CDH12: variants seen among roughly 807,000 people sequenced by gnomAD.
CDH12 encodes the protein cadherin-12.
In CDH12, 41 loss-of-function variants were observed where a neutral mutation model predicts 74.1. The ratio of observed to expected loss-of-function variants is 0.55; its 90% CI spans 0.43 to 0.72. The LOEUF is 0.72. Among genes scored for constraint, CDH12 ranks in the 30% least tolerant of loss-of-function variants. The pLI is 0.00. For missense variants in CDH12, 945 were observed against 977.2 expected, an observed-to-expected ratio of 0.97 and a Z score of 0.44; for synonymous variants, 399 against 355.0, an observed-to-expected ratio of 1.12 and a Z score of -1.39.
intron 2 of CDH12, among the ~76,000 whole-genome samples, chr5:22,504,283 T>G: frequency 6.6e-6 from 1 of 152,018 alleles, no homozygotes; most frequent in Non-Finnish European, 1.5e-5. Flanking sequence ...TCAAATCTGA[T>G]AGCTGAAATT....
intron 4 of CDH12, among the ~76,000 whole-genome samples, chr5:22,112,547 A>G (rs1744874320): frequency 6.6e-6 from 1 of 152,160 alleles, no homozygotes; most frequent in Admixed American, 6.6e-5. Flanking sequence ...TCCTCTTGCT[A>G]TAAGTATTTT....
At chr5:22,457,401 C>CT (rs1192104835) in intron 2 of CDH12, among the ~76,000 whole-genome samples, 2 of 135,944 alleles carry the variant, frequency 1.5e-5, no homozygotes, top group Non-Finnish European at 3.1e-5. Context: ...CTCCTTCTTC[C>CT]TCTTCCTCTT....
intron 5 of CDH12, among the ~76,000 whole-genome samples, chr5:21,979,907 T>C (rs1352858942): frequency 6.6e-6 from 1 of 151,740 alleles, no homozygotes; most frequent in African/African-American, 2.4e-5. Context: ...CCACCAACAG[T>C]GTAAAAGTGT....
chr5:21,764,206 C>T (rs1222747906), intron 12 of CDH12, among the ~76,000 whole-genome samples: 1 of 151,988 alleles, frequency 6.6e-6, no homozygotes. Flanking sequence ...AACCCCGTCT[C>T]TACCAAAAAT....
intron 3 of CDH12, among the ~76,000 whole-genome samples, chr5:22,282,214 C>T (rs1275702320): frequency 2.0e-5 from 3 of 152,126 alleles, no homozygotes; most frequent in Non-Finnish European, 4.4e-5. Context: ...AACTGGACCC[C>T]TTTCTTAAAC....
At chr5:22,060,892 C>T (rs1403994435) in intron 5 of CDH12, among the ~76,000 whole-genome samples, 1 of 152,144 alleles carries the variant, frequency 6.6e-6, no homozygotes, top group Non-Finnish European at 1.5e-5. Context: ...TAACCCACTA[C>T]ATGTACTGGA....
intron 4 of CDH12, among the ~76,000 whole-genome samples, chr5:22,159,764 T>C (rs1748221275): frequency 6.6e-6 from 1 of 152,212 alleles, no homozygotes; most frequent in Non-Finnish European, 1.5e-5. Context: ...TGAGTTTAAA[T>C]ATACTGGAAT....
At chr5:21,765,197 T>C (rs1469594383) in intron 11 of CDH12, 98 bp from the exon 12 acceptor site, 13 of 1,015,834 alleles carry the variant, frequency 1.3e-5, no homozygotes, top group East Asian at 3.1e-5. Flanking sequence ...TCAGCCTTTA[T>C]ATAGAATGAA....
chr5:22,124,082 C>T (rs1745687256), intron 4 of CDH12, among the ~76,000 whole-genome samples: 1 of 151,844 alleles, frequency 6.6e-6, no homozygotes, highest in African/African-American at 2.4e-5. Context: ...ATTCTCCTGC[C>T]TCAGCCTCCC....
At chr5:22,380,515 C>T (rs1156715260) in intron 3 of CDH12, among the ~76,000 whole-genome samples, 1 of 134,858 alleles carries the variant, frequency 7.4e-6, no homozygotes, top group African/African-American at 2.6e-5. Context: ...TTATGCTTAT[C>T]ATTTTATGTA....
intron 4 of CDH12, among the ~76,000 whole-genome samples, chr5:22,159,644 A>G (rs1748213459): frequency 6.6e-6 from 1 of 152,184 alleles, no homozygotes; most frequent in Non-Finnish European, 1.5e-5. Flanking sequence ...ACATATTTAA[A>G]TACTCAATAA....
At chr5:22,381,651 C>T (rs573482420) in intron 3 of CDH12, among the ~76,000 whole-genome samples, 23 of 152,034 alleles carry the variant, frequency 1.5e-4, no homozygotes, top group Non-Finnish European at 2.4e-4. Context: ...AAAACCTCTT[C>T]CTGTGGAGAC....
chr5:21,832,767 A>T (rs984853476), intron 8 of CDH12, among the ~76,000 whole-genome samples: 1 of 127,740 alleles, frequency 7.8e-6, no homozygotes, highest in Non-Finnish European at 1.6e-5. Context: ...TATATATGAT[A>T]TATATTATAT....
chr5:22,267,045 T>G (rs931018254), intron 3 of CDH12, among the ~76,000 whole-genome samples: 2 of 152,124 alleles, frequency 1.3e-5, no homozygotes, highest in Non-Finnish European at 2.9e-5. Flanking sequence ...TCTCAACAAA[T>G]TATGAGGCAT....
At chr5:22,198,247 G>A (rs184689157) in intron 4 of CDH12, among the ~76,000 whole-genome samples, 10,141 of 151,730 alleles carry the variant, frequency 0.067, 457 homozygotes, top group South Asian at 0.15. Context: ...CCCCAAAAAC[G>A]TACTGATAGT....
chr5:22,296,125 G>C (rs1325122072), intron 3 of CDH12, among the ~76,000 whole-genome samples: 1 of 151,690 alleles, frequency 6.6e-6, no homozygotes, highest in African/African-American at 2.4e-5. Flanking sequence ...TACAACACTG[G>C]TATATCTTTA....
chr5:22,519,743 G>A (rs1232049977), intron 1 of CDH12, among the ~76,000 whole-genome samples: 1 of 152,060 alleles, frequency 6.6e-6, no homozygotes, highest in Admixed American at 6.6e-5. Flanking sequence ...AATGTCTAAT[G>A]TTAACACAGA....
intron 6 of CDH12, among the ~76,000 whole-genome samples, chr5:21,879,355 A>G (rs1209457743): frequency 1.3e-5 from 2 of 152,228 alleles, no homozygotes; most frequent in Non-Finnish European, 2.9e-5. Flanking sequence ...TTCTATCACT[A>G]AAGTATAATT....
At chr5:22,759,039 C>A (rs1157132962) in intron 1 of CDH12, among the ~76,000 whole-genome samples, 1 of 151,988 alleles carries the variant, frequency 6.6e-6, no homozygotes, top group African/African-American at 2.4e-5. Flanking sequence ...CAAATAAGAT[C>A]TTGGCTAAGA....
Sources: allele counts gnomAD v4.1 joint callset (sites outside exome capture counted in the v4.1 genomes callset), GRCh38; gene constraint gnomAD v4.1.1; transcripts MANE v1.5; gene names NCBI Gene and HGNC (gene_info 2026-07-23, HGNC 2026-07-21).